CNTNAP2: variants seen among roughly 807,000 people sequenced by gnomAD.
CNTNAP2 encodes contactin-associated protein-like 2.
CNTNAP2 carries 98 observed loss-of-function variants against 155.2 expected under a neutral mutation model. The ratio of observed to expected loss-of-function variants is 0.63; its 90% CI spans 0.54 to 0.75. The LOEUF is 0.75. CNTNAP2 is among the 30% of genes least tolerant of loss of function. The pLI is 0.00. For missense variants in CNTNAP2, 1,727 were observed against 1,688.1 expected, an observed-to-expected ratio of 1.02 and a Z score of -0.40; for synonymous variants, 651 against 631.2, an observed-to-expected ratio of 1.03 and a Z score of -0.47.
At chr7:146,978,380 C>T (rs1404448550) in intron 3 of CNTNAP2, among the ~76,000 whole-genome samples, 1 of 152,074 alleles carries the variant, frequency 6.6e-6, no homozygotes, top group Non-Finnish European at 1.5e-5. Context: ...GTATCACCAG[C>T]CAAAGGACTC....
chr7:146,451,122 A>G (rs1796474218), intron 1 of CNTNAP2, among the ~76,000 whole-genome samples: 1 of 151,848 alleles, frequency 6.6e-6, no homozygotes, highest in Non-Finnish European at 1.5e-5. Context: ...AATTTTTTGT[A>G]TTTTTAGTAC....
Position 147,043,979 on chromosome 7 carries a change from G to T in CNTNAP2, c.475G>T (p.Val159Leu), listed in dbSNP as rs776537172. The T allele has an allele frequency of 2.5e-6, 4 of 1,614,074 alleles. No individual in the cohort carries two copies. In the East Asian group the frequency reaches 8.9e-5, roughly 36 times the overall value. The change falls in exon 4 of 24, where the codon GTG (valine) becomes TTG (leucine). Residue 159 changes from valine (V) to leucine (L), a missense_variant. Transcript: ENST00000361727. ...ELQHPIIARY[V>L]RIVPLDWNGE... ...ACAGCATCCGATTATTGCCCGCTAT[G>T]TGCGCATAGTGCCTCTGGATTGGAA...
rs147488761 is a variant in CNTNAP2 at position 148,133,981 on chromosome 7, G to T, written c.2555-13510G>T. 151 of 152,298 alleles carry T rather than the reference G, an allele frequency of 9.9e-4. 1 individual carries two copies. Among genetic ancestry groups the T allele is most frequent in the Non-Finnish European group, 1.6e-3 (107 of 68,064 alleles). 9.4% of individuals were successfully genotyped at this position (152,298 alleles called of 1,614,324 possible). A position where few individuals can be genotyped will look rare whatever the true frequency, so the allele number is the denominator to read the frequency against. ...CAAATGCAGGTGGGGGAGGAAGACC[G>T]TGCAACATAGAAGCAATTGAAAGGA... On this transcript the variant is annotated intron_variant, in intron 16 of 23. Coordinates refer to ENST00000361727, the MANE Select transcript of CNTNAP2 (RefSeq NM_014141.6).
intron 18 of CNTNAP2, among the ~76,000 whole-genome samples, chr7:148,211,144 A>G (rs561491249): frequency 3.9e-4 from 60 of 152,310 alleles, no homozygotes; most frequent in Admixed American, 7.2e-4. Flanking sequence ...GAGAGTGATC[A>G]TTCTGGGCAA....
intron 1 of CNTNAP2, among the ~76,000 whole-genome samples, chr7:146,247,880 G>A (rs749253900): frequency 1.1e-4 from 17 of 152,098 alleles, no homozygotes; most frequent in Non-Finnish European, 1.9e-4. Flanking sequence ...GTAGAGACAC[G>A]GAGAAGGGTT....
chr7:146,508,395 T>A (rs1584956404), intron 1 of CNTNAP2, among the ~76,000 whole-genome samples: 1 of 152,326 alleles, frequency 6.6e-6, no homozygotes, highest in Middle Eastern at 3.4e-3. Flanking sequence ...ATACACAGTT[T>A]ATAAGCATGC....
intron 13 of CNTNAP2, among the ~76,000 whole-genome samples, chr7:147,807,740 A>G (rs1247449792): frequency 6.6e-6 from 1 of 152,180 alleles, no homozygotes; most frequent in Non-Finnish European, 1.5e-5. Flanking sequence ...TGATGGGGGA[A>G]TAGATCAGGT....
chr7:147,966,591 C>G (rs992237501), intron 14 of CNTNAP2, among the ~76,000 whole-genome samples: 1 of 152,088 alleles, frequency 6.6e-6, no homozygotes, highest in Non-Finnish European at 1.5e-5. Context: ...CCCTCTCTGT[C>G]CGTGTCACCC....
intron 13 of CNTNAP2, among the ~76,000 whole-genome samples, chr7:147,640,558 G>A (rs925816477): frequency 1.8e-4 from 27 of 152,164 alleles, no homozygotes; most frequent in Admixed American, 1.6e-3. Flanking sequence ...CCCCAAAACA[G>A]CAATGAATTG....
chr7:147,247,540 T>C (rs1563132538), intron 8 of CNTNAP2, among the ~76,000 whole-genome samples: 1 of 152,218 alleles, frequency 6.6e-6, no homozygotes, highest in Non-Finnish European at 1.5e-5. Flanking sequence ...CATTCATTCA[T>C]GTTTGCATTC....
chr7:147,454,527 T>C (rs764011730), intron 10 of CNTNAP2, among the ~76,000 whole-genome samples: 2 of 152,172 alleles, frequency 1.3e-5, no homozygotes, highest in Non-Finnish European at 2.9e-5. Flanking sequence ...TAAGACAGTT[T>C]TCCAACAGAG....
chr7:148,105,585 ATTTTTTT>A (rs1362608028), intron 15 of CNTNAP2, among the ~76,000 whole-genome samples: 2 of 134,102 alleles, frequency 1.5e-5, no homozygotes, highest in South Asian at 4.4e-4. Flanking sequence ...TTTATTTTTT[ATTTTTTT>A]TTTTTATTTT....
intron 21 of CNTNAP2, among the ~76,000 whole-genome samples, chr7:148,282,547 G>A (rs73464118): frequency 0.14 from 21,986 of 152,132 alleles, 2,050 homozygotes; most frequent in African/African-American, 0.26. Context: ...TGTCCAGTAC[G>A]TCTTAGGCAG....
intron 8 of CNTNAP2, among the ~76,000 whole-genome samples, chr7:147,218,835 A>G (rs1434931026): frequency 6.6e-6 from 1 of 152,214 alleles, no homozygotes; most frequent in Non-Finnish European, 1.5e-5. Context: ...AAAGTCTCCA[A>G]CTATAATGGT....
At chr7:148,387,540 T>G (rs4726964) in intron 22 of CNTNAP2, among the ~76,000 whole-genome samples, 68,594 of 151,876 alleles carry the variant, frequency 0.45, 16,763 homozygotes, top group African/African-American at 0.61. Context: ...TGGAAGTTTA[T>G]TCCTCAACAA....
intron 1 of CNTNAP2, among the ~76,000 whole-genome samples, chr7:146,475,507 T>C (rs1177291369): frequency 6.6e-6 from 1 of 152,146 alleles, no homozygotes; most frequent in Non-Finnish European, 1.5e-5. Flanking sequence ...GTGTTAACTA[T>C]TAGTTTTCGG....
rs55823511 is a variant in CNTNAP2, at chr7:146,183,606, AAATAATAAT to A, written c.97+66660_97+66668del. ...CCATCAGGAGAATTTATCACCACAC[AAATAATAAT>A]AATAATAATAATAATAATAATAATA... On this transcript the variant is annotated intron_variant, in intron 1 of 23. Transcript: ENST00000361727. Among the ~76,000 whole-genome samples the A allele has an allele frequency of 1.6e-3, 233 of 143,442 alleles. 3 individuals carry two copies. The East Asian group carries it at 0.024, about 15-fold the overall frequency. The allele number at this position is 143,442 out of a possible 152,430, so 94.1% of individuals were successfully genotyped here.
chr7:146,619,479 G>A (rs1465195624), intron 1 of CNTNAP2, among the ~76,000 whole-genome samples: 1 of 152,112 alleles, frequency 6.6e-6, no homozygotes, highest in Non-Finnish European at 1.5e-5. Context: ...AATTATTCAA[G>A]TAAAAGTAGT....
At chr7:146,176,555 A>G (rs539254361) in intron 1 of CNTNAP2, among the ~76,000 whole-genome samples, 9 of 152,316 alleles carry the variant, frequency 5.9e-5, no homozygotes, top group Non-Finnish European at 1.0e-4. Context: ...AGAATATCCA[A>G]TTCCCTGGGA....
Sources: allele counts gnomAD v4.1 joint callset (sites outside exome capture counted in the v4.1 genomes callset), GRCh38; gene constraint gnomAD v4.1.1; transcripts MANE v1.5; gene names NCBI Gene and HGNC (gene_info 2026-07-23, HGNC 2026-07-21).